RPS6KC1: variants seen among roughly 807,000 people sequenced by gnomAD.
RPS6KC1 encodes inactive ribosomal protein S6 kinase delta-1.
Under a neutral mutation model 103.8 loss-of-function variants are expected in RPS6KC1, and 54 were observed. The ratio of observed to expected loss-of-function variants is 0.52; its 90% CI spans 0.42 to 0.65. RPS6KC1 has a LOEUF of 0.65. Among genes scored for constraint, RPS6KC1 ranks in the 30% least tolerant of loss-of-function variants. RPS6KC1 has a pLI of 0.00. For missense variants in RPS6KC1, 1,151 were observed against 1,253.8 expected, an observed-to-expected ratio of 0.92 and a Z score of 1.24; for synonymous variants, 439 against 438.7, an observed-to-expected ratio of 1.00 and a Z score of -0.01.
chr1:213,051,274 GCCGTGGAGCCGCCT>G lies in RPS6KC1; in HGVS notation c.-130_-117del. ...AGCAGAGCTGTGCAGCTGAGGCGCC[GCCGTGGAGCCGCCT>G]TGGAGCCACCGCCCCCTCGCCGCTT... is the stretch of plus-strand genomic sequence containing the variant. On this transcript the variant is annotated 5_prime_UTR_variant, in exon 1 of 15. Transcript: ENST00000366960. 3.1e-6 allele frequency: 2 copies of G among 643,780 alleles called. No individual in the cohort carries two copies. Among genetic ancestry groups the G allele is most frequent in the Non-Finnish European group, 5.4e-6 (2 of 367,834 alleles). 39.9% of individuals were successfully genotyped at this position (643,780 alleles called of 1,614,324 possible).
chr1:213,557,390 T>A, the RPS6KC1 span, among the ~76,000 whole-genome samples: 3 of 152,062 alleles, frequency 2.0e-5, no homozygotes, highest in African/African-American at 7.2e-5. Context: ...AGAGGGCATA[T>A]TGGGAGCTTG....
At chr1:213,164,023 T>C (rs930222789) in intron 6 of RPS6KC1, among the ~76,000 whole-genome samples, 2 of 152,214 alleles carry the variant, frequency 1.3e-5, no homozygotes, top group African/African-American at 4.8e-5. Flanking sequence ...TTATGGTACT[T>C]TATATTGAAA....
rs2090937041 is a variant in RPS6KC1, at chr1:213,166,046, T to C, written c.836-1812T>C. On this transcript the variant is annotated intron_variant, in intron 6 of 14. Transcript: ENST00000366960. ...AAAAGTTTAAAAAATAGTAATTTGA[T>C]TATAAAATATGGCTTTAATTCTAGC... is the stretch of plus-strand genomic sequence containing the variant. 3.3e-5 allele frequency among the ~76,000 whole-genome samples: 5 copies of C among 152,172 alleles called. No individual in the cohort carries two copies. The South Asian group carries it at 1.0e-3, about 32-fold the overall frequency.
At chr1:213,361,743 C>T in the RPS6KC1 span, among the ~76,000 whole-genome samples, 1 of 152,232 alleles carries the variant, frequency 6.6e-6, no homozygotes, top group African/African-American at 2.4e-5. Context: ...CCCCAGTTTA[C>T]AAAGACGCAC....
chr1:213,260,753 C>A (rs2094770903), intron 12 of RPS6KC1, among the ~76,000 whole-genome samples: 1 of 77,344 alleles, frequency 1.3e-5, no homozygotes, highest in Non-Finnish European at 2.6e-5. Flanking sequence ...GGGCTAAAAG[C>A]CTCAAAAAAA....
chr1:213,285,651 G>C, the RPS6KC1 span, among the ~76,000 whole-genome samples: 1 of 152,148 alleles, frequency 6.6e-6, no homozygotes, highest in Non-Finnish European at 1.5e-5. Context: ...TAATCTTGGT[G>C]GTGGTGGTAT....
At chr1:213,419,706 A>G in the RPS6KC1 span, among the ~76,000 whole-genome samples, 4 of 152,210 alleles carry the variant, frequency 2.6e-5, no homozygotes, top group African/African-American at 9.6e-5. Context: ...TGAAACTAAA[A>G]AGGGGTATAG....
In RPS6KC1 at chr1:213,272,557, G is replaced by A. The variant is rs2095069908; in HGVS notation, c.3124G>A (p.Ala1042Thr). ...LQFNPLERLG[A>T]GVAGVEDIKS... Reference sequence around the variant, plus strand: ...GTTCAATCCTCTGGAACGACTTGGTGCTGGAGTTGCTGGTGTTGAAGATAT... The same window carrying A: ...GTTCAATCCTCTGGAACGACTTGGTACTGGAGTTGCTGGTGTTGAAGATAT... The change falls in exon 15 of 15, where the codon GCT becomes ACT. Residue 1042 changes from alanine (A) to threonine (T), a missense_variant. Ala to Thr is a moderately conservative substitution (Grantham distance 58). This residue lies in a region of RPS6KC1 where 189 missense variants were observed against 228.8 expected (regional missense o/e 0.83). Coordinates refer to ENST00000366960, the MANE Select transcript of RPS6KC1 (RefSeq NM_012424.6). 6.2e-7 allele frequency: 1 copy of A among 1,614,002 alleles called. No individual in the cohort carries two copies. Among genetic ancestry groups the A allele is most frequent in the South Asian group, 1.1e-5 (1 of 91,076 alleles).
the RPS6KC1 span, among the ~76,000 whole-genome samples, chr1:213,288,344 A>G: frequency 7.9e-5 from 12 of 152,246 alleles, no homozygotes; most frequent in African/African-American, 2.7e-4. Flanking sequence ...CTCACCTTGC[A>G]TACAAAGAAT....
chr1:213,363,976 G>A, the RPS6KC1 span, among the ~76,000 whole-genome samples: 1 of 151,830 alleles, frequency 6.6e-6, no homozygotes, highest in Non-Finnish European at 1.5e-5. Flanking sequence ...GTCCTCTATA[G>A]CAGAGGAAAT....
chr1:213,854,510 CTCTTTCTTTCTTTCTT>C, the RPS6KC1 span, among the ~76,000 whole-genome samples: 93 of 121,014 alleles, frequency 7.7e-4, 2 homozygotes, highest in Middle Eastern at 0.022. Flanking sequence ...CTCTTTCTTT[CTCTTTCTTTCTTTCTT>C]TCTTTCTTTC....
chr1:213,126,608 C>G (rs561409077), intron 5 of RPS6KC1, among the ~76,000 whole-genome samples: 1 of 152,182 alleles, frequency 6.6e-6, no homozygotes, highest in African/African-American at 2.4e-5. Flanking sequence ...GTTCTATGGG[C>G]TGAATCTGGC....
chr1:213,635,758 G>T, the RPS6KC1 span, among the ~76,000 whole-genome samples: 5,109 of 152,286 alleles, frequency 0.034, 159 homozygotes, highest in African/African-American at 0.086. Context: ...AGTGTTGGAA[G>T]TTCTGGCCAG....
chr1:213,409,913 A>C, the RPS6KC1 span, among the ~76,000 whole-genome samples: 22 of 152,346 alleles, frequency 1.4e-4, no homozygotes, highest in East Asian at 3.9e-3. Flanking sequence ...CTGTAATCCT[A>C]GCCACTTGGG....
At chr1:213,679,455 TTA>T in the RPS6KC1 span, among the ~76,000 whole-genome samples, 2 of 152,224 alleles carry the variant, frequency 1.3e-5, no homozygotes, top group African/African-American at 2.4e-5. Context: ...TGTACCCATT[TTA>T]TAGTTAGGAA....
At chr1:213,156,663 AAG>A (rs1017140041) in intron 6 of RPS6KC1, among the ~76,000 whole-genome samples, 23 of 152,210 alleles carry the variant, frequency 1.5e-4, no homozygotes, top group African/African-American at 5.3e-4. Context: ...AAAACAATGT[AAG>A]AGAGATGACA....
chr1:213,750,499 G>A, the RPS6KC1 span, among the ~76,000 whole-genome samples: 1 of 152,196 alleles, frequency 6.6e-6, no homozygotes, highest in Non-Finnish European at 1.5e-5. Context: ...CAGGAGAGAC[G>A]ATGAGGACCC....
At chr1:213,654,840 C>T in the RPS6KC1 span, among the ~76,000 whole-genome samples, 4 of 152,096 alleles carry the variant, frequency 2.6e-5, no homozygotes, top group East Asian at 5.8e-4. Flanking sequence ...AAAGACAAAG[C>T]GGGTGAGGTA....
chr1:213,703,999 T>A, the RPS6KC1 span, among the ~76,000 whole-genome samples: 1 of 152,184 alleles, frequency 6.6e-6, no homozygotes, highest in Admixed American at 6.5e-5. Context: ...GATCCTGTTA[T>A]TTTTTAATTA....
Sources: gnomAD v4.1 joint callset for allele counts (sites outside exome capture counted in the v4.1 genomes callset) on GRCh38, gnomAD v4.1.1 for gene constraint, gnomAD v4.1.1 regional missense constraint, MANE v1.5 for transcripts, NCBI Gene and HGNC (gene_info 2026-07-23, HGNC 2026-07-21) for gene names.